The following IKZF2 variants were observed in gnomAD, a reference collection of about 807,000 sequenced individuals.
The protein encoded by IKZF2 is zinc finger protein Helios.
IKZF2 carries 15 observed loss-of-function variants against 49.2 expected under a neutral mutation model. The ratio of observed to expected loss-of-function variants is 0.30; its 90% CI spans 0.20 to 0.47. The LOEUF (loss-of-function observed/expected upper bound fraction) is 0.47. Among genes scored for constraint, IKZF2 ranks in the 20% least tolerant of loss-of-function variants. The probability of loss-of-function intolerance (pLI) is 1.00; values close to 1 mark genes in which losing one functional copy is unlikely to be tolerated. For missense variants in IKZF2, 567 were observed against 664.6 expected, an observed-to-expected ratio of 0.85 and a Z score of 1.61; for synonymous variants, 227 against 221.4, an observed-to-expected ratio of 1.03 and a Z score of -0.23.
chr2:213,143,499 A>G (rs764994884), intron 4 of IKZF2, among the ~76,000 whole-genome samples: 5 of 151,808 alleles, frequency 3.3e-5, no homozygotes, highest in Non-Finnish European at 7.4e-5. Flanking sequence ...CTTTTGGTAC[A>G]TAGTTATGAC....
intron 4 of IKZF2, among the ~76,000 whole-genome samples, chr2:213,137,285 C>T (rs2060710887): frequency 6.6e-6 from 1 of 152,042 alleles, no homozygotes. Context: ...CAGTTATGTC[C>T]AGACACAATC....
intron 4 of IKZF2, among the ~76,000 whole-genome samples, chr2:213,106,345 A>G (rs6714762): frequency 0.022 from 3,327 of 147,896 alleles, 127 homozygotes; most frequent in African/African-American, 0.078. Flanking sequence ...TACTCTTACG[A>G]AAAAAAAAAA....
Position 213,139,347 on chromosome 2 carries a change from T to G in IKZF2, c.139+8361A>C, listed in dbSNP as rs185619212. 1.0e-3 allele frequency among the ~76,000 whole-genome samples: 154 copies of G among 152,098 alleles called. 1 individual carries two copies. The highest frequency in any genetic ancestry group is 4.7e-4 in the Non-Finnish European group (32 of 67,868). The stretch of plus-strand genomic sequence containing the variant: ...AGGACTTCAACCATAATTATCCAAA[T>G]AGCAATGCTATCTCTATTGTGATGC... On this transcript the variant is annotated intron_variant, in intron 4 of 8. Coordinates refer to ENST00000434687, the MANE Select transcript of IKZF2 (RefSeq NM_001387220.1).
At chr2:213,077,106 T>C (rs1703357255) in intron 4 of IKZF2, among the ~76,000 whole-genome samples, 1 of 152,178 alleles carries the variant, frequency 6.6e-6, no homozygotes, top group South Asian at 2.1e-4. Context: ...ATACATGAAA[T>C]TCACTGAATC....
intron 6 of IKZF2, among the ~76,000 whole-genome samples, chr2:213,022,752 T>A (rs1289256157): frequency 1.3e-5 from 2 of 152,150 alleles, no homozygotes; most frequent in African/African-American, 4.8e-5. Flanking sequence ...GCTTTTATAA[T>A]ACCAAGAATT....
chr2:213,089,219 C>T (rs999357111), intron 4 of IKZF2, among the ~76,000 whole-genome samples: 12 of 152,128 alleles, frequency 7.9e-5, no homozygotes, highest in Admixed American at 1.3e-4. Context: ...CCTCACATGC[C>T]GCTTCCAATC....
intron 6 of IKZF2, among the ~76,000 whole-genome samples, chr2:213,048,870 C>T (rs1323469632): frequency 1.3e-5 from 2 of 151,968 alleles, no homozygotes; most frequent in Non-Finnish European, 2.9e-5. Context: ...TAAAATATCA[C>T]TTCCATCATA....
At chr2:213,071,646 G>A (rs1432765436) in intron 4 of IKZF2, among the ~76,000 whole-genome samples, 1 of 152,086 alleles carries the variant, frequency 6.6e-6, no homozygotes, top group Non-Finnish European at 1.5e-5. Flanking sequence ...GGAAGGAGAA[G>A]TATAAAGGCA....
chr2:213,024,702 T>C (rs1697619877), intron 6 of IKZF2, among the ~76,000 whole-genome samples: 1 of 152,114 alleles, frequency 6.6e-6, no homozygotes, highest in African/African-American at 2.4e-5. Context: ...TCCTTCAAAG[T>C]CTACATTCTG....
chr2:213,061,865 G>T (rs545766397), intron 4 of IKZF2, among the ~76,000 whole-genome samples: 2 of 151,524 alleles, frequency 1.3e-5, no homozygotes, highest in South Asian at 4.2e-4. Flanking sequence ...ATGTAATTTG[G>T]TTACATAATA....
intron 4 of IKZF2, among the ~76,000 whole-genome samples, chr2:213,132,838 G>C (rs996806440): frequency 6.6e-6 from 1 of 152,166 alleles, no homozygotes; most frequent in African/African-American, 2.4e-5. Context: ...GTTTATGTGT[G>C]ATTCAATTTA....
At chr2:213,052,555 CA>C (rs1171089638) in intron 5 of IKZF2, among the ~76,000 whole-genome samples, 1 of 151,936 alleles carries the variant, frequency 6.6e-6, no homozygotes, top group Non-Finnish European at 1.5e-5. Context: ...ATTATCATTT[CA>C]AGAGTCCACT....
At chr2:213,052,713 T>C (rs899819191) in intron 5 of IKZF2, among the ~76,000 whole-genome samples, 2 of 152,088 alleles carry the variant, frequency 1.3e-5, no homozygotes, top group Non-Finnish European at 2.9e-5. Flanking sequence ...AATCCAAATA[T>C]AGAAGTAATA....
At chr2:213,088,470 T>C (rs1432812831) in intron 4 of IKZF2, among the ~76,000 whole-genome samples, 2 of 152,156 alleles carry the variant, frequency 1.3e-5, no homozygotes, top group African/African-American at 4.8e-5. Flanking sequence ...TTAAAAATAA[T>C]TTTCCTGGCC....
intron 6 of IKZF2, among the ~76,000 whole-genome samples, chr2:213,034,766 A>G (rs1698843522): frequency 6.6e-6 from 1 of 152,236 alleles, no homozygotes; most frequent in Non-Finnish European, 1.5e-5. Flanking sequence ...ACAGAGAGAC[A>G]TGAGGTGAGC....
chr2:213,077,167 T>C (rs1703363015), intron 4 of IKZF2, among the ~76,000 whole-genome samples: 1 of 152,176 alleles, frequency 6.6e-6, no homozygotes, highest in East Asian at 1.9e-4. Context: ...TAATTCTACA[T>C]TTACAGAATT....
chr2:213,131,603 G>A (rs934184454), intron 4 of IKZF2, among the ~76,000 whole-genome samples: 1 of 152,138 alleles, frequency 6.6e-6, no homozygotes, highest in African/African-American at 2.4e-5. Flanking sequence ...TGTATATTTT[G>A]AAGCCATGTG....
At chr2:213,057,318 A>G (rs1701257440) in intron 4 of IKZF2, among the ~76,000 whole-genome samples, 1 of 152,186 alleles carries the variant, frequency 6.6e-6, no homozygotes, top group African/African-American at 2.4e-5. Flanking sequence ...CTAGGTAAAC[A>G]GAATGACTAT....
chr2:213,092,548 C>A (rs1477349159), intron 4 of IKZF2, among the ~76,000 whole-genome samples: 3 of 152,046 alleles, frequency 2.0e-5, no homozygotes, highest in Non-Finnish European at 4.4e-5. Context: ...CAATGTTAGT[C>A]CCCCCTGTGA....
Sources: gnomAD v4.1 joint callset for allele counts (sites outside exome capture counted in the v4.1 genomes callset) on GRCh38, gnomAD v4.1.1 for gene constraint, MANE v1.5 for transcripts, NCBI Gene and HGNC (gene_info 2026-07-23, HGNC 2026-07-21) for gene names.